NLGN4X: variants seen among roughly 807,000 people sequenced by gnomAD.
NLGN4X encodes neuroligin 4 X-linked.
NLGN4X carries 3 observed loss-of-function variants against 40.3 expected under a neutral mutation model. The ratio of observed to expected loss-of-function variants is 0.07; its 90% CI spans 0.03 to 0.19. The LOEUF is 0.19. NLGN4X is among the 10% of genes least tolerant of loss of function. The pLI, the probability that NLGN4X is intolerant of heterozygous loss-of-function variation, is 1.00. For synonymous variants in NLGN4X, 270 were observed against 306.8 expected (o/e 0.88, Z 1.25); for missense variants, 382 against 708.3 (o/e 0.54, Z 5.23).
Position 6,209,929 on chromosome X carries a change from C to A in NLGN4X, c.-306+18612G>T, listed in dbSNP as rs113769017. 7.2e-3 allele frequency among the ~76,000 whole-genome samples: 805 copies of A among 112,425 alleles called. 6 individuals carry two copies. Among genetic ancestry groups the A allele is most frequent in the African/African-American group, 0.024 (731 of 30,976 alleles). On this transcript the variant is annotated intron_variant, in intron 1 of 5. Transcript: ENST00000381095. Reference sequence around the variant, plus strand: ...GCAGTGGCACTATCAGAGTTCACTGCAGCCTCCAACTCCTCGGCTCAAGCC... The same window carrying A: ...GCAGTGGCACTATCAGAGTTCACTGAAGCCTCCAACTCCTCGGCTCAAGCC...
intron 2 of NLGN4X, among the ~76,000 whole-genome samples, chrX:6,087,267 T>C (rs1353810410): frequency 9.0e-6 from 1 of 111,646 alleles, no homozygotes; most frequent in Non-Finnish European, 1.9e-5. Context: ...TTTGACTTTT[T>C]TTAATACAGC....
chrX:6,064,671 GA>G (rs955904731), intron 2 of NLGN4X, among the ~76,000 whole-genome samples: 1 of 110,736 alleles, frequency 9.0e-6, no homozygotes, highest in South Asian at 3.8e-4. Context: ...GAATGGCCAG[GA>G]AAAAAAGGGA....
At chrX:6,047,341 G>C (rs763280928) in intron 2 of NLGN4X, among the ~76,000 whole-genome samples, 2 of 111,418 alleles carry the variant, frequency 1.8e-5, no homozygotes, top group Non-Finnish European at 3.8e-5. Context: ...AGCTGGTCGT[G>C]GGGTGTGCAC....
Position 5,893,484 on chromosome X carries a change from G to A in NLGN4X, c.1784C>T (p.Pro595Leu). 8.4e-7 allele frequency: 1 copy of A among 1,185,169 alleles called. No individual in the cohort carries two copies. ...TKVAFWLELV[P>L]HLHNLNEIFQ... Reference sequence around the variant, plus strand: ...TATCTCGTTCAAGTTGTGCAAATGAGGAACGAGTTCCAACCAGAAAGCCAC... The same window carrying A: ...TATCTCGTTCAAGTTGTGCAAATGAAGAACGAGTTCCAACCAGAAAGCCAC... Residue 595 changes from proline (P) to leucine (L), a missense_variant, in exon 6 of 6, where the codon CCT becomes CTT. Physicochemically the swap from Pro to Leu is moderately conservative, Grantham distance 98. Around this residue, in one of 5 missense-constraint regions of NLGN4X, gnomAD observed 149 missense variants for 375.8 expected, o/e 0.40. Coordinates refer to ENST00000381095, the MANE Select transcript of NLGN4X (RefSeq NM_181332.3).
chrX:5,968,457 C>CTCTCTGTG lies in NLGN4X; in HGVS notation c.626-59219_626-59218insCACAGAGA, dbSNP rs1192942244. Among the ~76,000 whole-genome samples, 151 of 46,964 alleles carry CTCTCTGTG rather than the reference C, an allele frequency of 3.2e-3. 2 individuals are homozygous for CTCTCTGTG. Among genetic ancestry groups the CTCTCTGTG allele is most frequent in the East Asian group, 9.6e-3 (16 of 1,666 alleles). 40.8% of individuals were successfully genotyped at this position (46,964 alleles called of 115,157 possible). On this transcript the variant is annotated intron_variant, in intron 3 of 5. Coordinates refer to ENST00000381095, the MANE Select transcript of NLGN4X (RefSeq NM_181332.3). ...AGTACCCCTCTCTCTCTCTCTCTCTCTGTGTGTGTGTGTGTGTGTGTGTGT... is the reference window on the plus strand; with the variant it reads ...AGTACCCCTCTCTCTCTCTCTCTCTCTCTCTGTGTGTGTGTGTGTGTGTGTGTGTGTGT...
intron 2 of NLGN4X, among the ~76,000 whole-genome samples, chrX:6,127,058 A>G (rs1442270196): frequency 9.0e-6 from 1 of 111,174 alleles, no homozygotes; most frequent in Non-Finnish European, 1.9e-5. Flanking sequence ...GTAAATAAAC[A>G]GGTTCACTCT....
At chrX:5,981,496 C>T (rs1375899912) in intron 3 of NLGN4X, among the ~76,000 whole-genome samples, 1 of 107,300 alleles carries the variant, frequency 9.3e-6, no homozygotes, top group Non-Finnish European at 1.9e-5. Context: ...GTAAAGCCTA[C>T]TAGATAATGA....
intron 3 of NLGN4X, among the ~76,000 whole-genome samples, chrX:5,978,159 T>TA (rs992492815): frequency 4.5e-5 from 5 of 112,247 alleles, no homozygotes; most frequent in African/African-American, 9.7e-5. Flanking sequence ...GGATGCAAGT[T>TA]AAAAAAATCA....
intron 3 of NLGN4X, among the ~76,000 whole-genome samples, chrX:6,025,489 GTAT>G (rs1160576453): frequency 8.9e-6 from 1 of 112,245 alleles, no homozygotes; most frequent in Admixed American, 9.4e-5. Context: ...ATAAACAGTA[GTAT>G]TAATACAATG....
At chrX:5,915,723 A>G (rs2032761086) in intron 3 of NLGN4X, among the ~76,000 whole-genome samples, 1 of 111,785 alleles carries the variant, frequency 8.9e-6, no homozygotes, top group Admixed American at 9.5e-5. Context: ...TATGTTTAGT[A>G]GAGACGGGGT....
chrX:6,133,871 GAT>G (rs1324571630), intron 2 of NLGN4X, among the ~76,000 whole-genome samples: 1 of 111,912 alleles, frequency 8.9e-6, no homozygotes, highest in African/African-American at 3.2e-5. Flanking sequence ...TAAAGGGTAA[GAT>G]AGTACATATT....
At chrX:6,028,565 A>C (rs753288389) in intron 3 of NLGN4X, among the ~76,000 whole-genome samples, 16 of 110,275 alleles carry the variant, frequency 1.5e-4, no homozygotes, top group African/African-American at 4.6e-4. Context: ...AGGCTGAGGC[A>C]GAAGAATCAC....
intron 2 of NLGN4X, among the ~76,000 whole-genome samples, chrX:6,123,498 G>A (rs1305075489): frequency 9.0e-6 from 1 of 111,568 alleles, no homozygotes; most frequent in South Asian, 3.7e-4. Context: ...AAATTATTCC[G>A]AAGAAACAAT....
intron 2 of NLGN4X, among the ~76,000 whole-genome samples, chrX:6,074,074 A>AC (rs750677034): frequency 9.1e-6 from 1 of 109,940 alleles, no homozygotes; most frequent in Non-Finnish European, 1.9e-5. Context: ...GAATCACAAG[A>AC]CCCCCCCAAA....
intron 3 of NLGN4X, among the ~76,000 whole-genome samples, chrX:5,964,052 A>T (rs967251230): frequency 1.8e-5 from 2 of 112,114 alleles, no homozygotes; most frequent in African/African-American, 6.5e-5. Flanking sequence ...TTCAAAGACG[A>T]CTTCAGGCAG....
intron 2 of NLGN4X, among the ~76,000 whole-genome samples, chrX:6,079,864 G>A (rs928811096): frequency 9.0e-6 from 1 of 111,162 alleles, no homozygotes; most frequent in Non-Finnish European, 1.9e-5. Context: ...AATCCTCTGA[G>A]GTCTCTGTTC....
intron 2 of NLGN4X, among the ~76,000 whole-genome samples, chrX:6,071,731 A>G (rs5915637): frequency 0.12 from 13,194 of 111,821 alleles, 962 homozygotes; most frequent in African/African-American, 0.27. Flanking sequence ...AGCAAGATTT[A>G]AATTTTAACG....
chrX:5,988,036 C>T (rs753243204), intron 3 of NLGN4X, among the ~76,000 whole-genome samples: 7 of 111,965 alleles, frequency 6.3e-5, no homozygotes, highest in Admixed American at 1.9e-4. Context: ...ATGGTCACAA[C>T]GCTGCACTCC....
intron 2 of NLGN4X, among the ~76,000 whole-genome samples, chrX:6,118,310 A>G (rs776264291): frequency 8.1e-5 from 9 of 111,051 alleles, no homozygotes; most frequent in African/African-American, 1.3e-4. Flanking sequence ...TGTCCACACT[A>G]CTGTACCCAG....
Sources: gnomAD v4.1 joint callset for allele counts (sites outside exome capture counted in the v4.1 genomes callset) on GRCh38, gnomAD v4.1.1 for gene constraint, gnomAD v4.1.1 regional missense constraint, MANE v1.5 for transcripts, NCBI Gene and HGNC (gene_info 2026-07-23, HGNC 2026-07-21) for gene names.